GSN: variants seen among roughly 807,000 people sequenced by gnomAD.
GSN encodes the protein actin-depolymerizing factor.
Under a neutral mutation model 85.7 loss-of-function variants are expected in GSN, and 56 were observed. That is an observed-to-expected ratio of 0.65 (90% confidence interval 0.53 to 0.82). The LOEUF (loss-of-function observed/expected upper bound fraction) is 0.82. Among genes scored for constraint, GSN ranks in the 40% least tolerant of loss-of-function variants. GSN has a pLI of 0.00. For missense variants in GSN, 857 were observed against 979.8 expected (o/e 0.87, Z 1.67); for synonymous variants, 373 against 399.1 (o/e 0.93, Z 0.78).
chr9:121,213,417 G>C (rs974584534), intron 4 of GSN, among the ~76,000 whole-genome samples: 4 of 152,226 alleles, frequency 2.6e-5, no homozygotes, highest in Admixed American at 2.0e-4. Context: ...GCCCATGCCA[G>C]GCCCTCTTGA....
chr9:121,261,882 A>G lies in GSN; in HGVS notation c.-340-3272A>G, dbSNP rs538316963. 1.7e-4 allele frequency among the ~76,000 whole-genome samples: 26 copies of G among 152,336 alleles called. No individual in the cohort carries two copies. In the South Asian group the frequency reaches 5.4e-3, roughly 32 times the overall value. On this transcript the variant is annotated intron_variant, in intron 6 of 24. Coordinates refer to the GSN transcript ENST00000373823. This position sits in a 1 kb window ranked among gnomAD's most constrained non-coding sequence, Gnocchi z 4.1. ...GTGGATATTATCATCAGAGGAAGAA[A>G]CCAAGGCTCAGAGAGGTTGAGTAAC...
upstream of GSN, among the ~76,000 whole-genome samples, chr9:121,263,990 G>T (rs2055144572): frequency 6.6e-6 from 1 of 151,670 alleles, no homozygotes; most frequent in African/African-American, 2.4e-5. Flanking sequence ...CCTTCCACCA[G>T]ATTCCTTCCT....
intron 6 of GSN, among the ~76,000 whole-genome samples, chr9:121,258,166 A>C (rs1180729844): frequency 6.6e-6 from 1 of 152,214 alleles, no homozygotes; most frequent in African/African-American, 2.4e-5. Flanking sequence ...ATTTCAGGGA[A>C]CTTGGGGAAA....
intron 6 of GSN, among the ~76,000 whole-genome samples, chr9:121,260,750 C>T (rs2055065948): frequency 6.6e-6 from 1 of 152,162 alleles, no homozygotes; most frequent in Non-Finnish European, 1.5e-5. Context: ...GTTCTACTTC[C>T]CTGGGCAAAG....
At chr9:121,237,311 C>A (rs912463272) in intron 5 of GSN, among the ~76,000 whole-genome samples, 8 of 152,268 alleles carry the variant, frequency 5.3e-5, no homozygotes, top group African/African-American at 1.9e-4. Context: ...CCTGTAATCA[C>A]AACACTTTGG....
At chr9:121,320,629 G>A (rs1158977752) in intron 10 of GSN, among the ~76,000 whole-genome samples, 3 of 146,858 alleles carry the variant, frequency 2.0e-5, no homozygotes, top group Admixed American at 2.0e-4. Context: ...TGGGCAACAA[G>A]AGTGAAACCT....
At chr9:121,295,387 T>C (rs1306414745) in intron 2 of GSN, among the ~76,000 whole-genome samples, 4 of 152,122 alleles carry the variant, frequency 2.6e-5, no homozygotes, top group Non-Finnish European at 5.9e-5. Context: ...CGGGTGCTCC[T>C]AGGAGGACCC....
At position 121,329,197 on chromosome 9, in the gene GSN, G is replaced by A. The variant is rs1317230975; in HGVS notation, c.1888-41G>A. The A allele has an allele frequency of 1.3e-6, 2 of 1,516,070 alleles. No individual in the cohort carries two copies. Among genetic ancestry groups the A allele is most frequent in the Non-Finnish European group, 1.8e-6 (2 of 1,091,028 alleles). The allele number at this position is 1,516,070 out of a possible 1,614,324, so 93.9% of individuals were successfully genotyped here. On this transcript the variant is annotated intron_variant, in intron 15 of 17. Transcript: ENST00000432226. The surrounding 1 kb of genome is among the most constrained non-coding windows in gnomAD (Gnocchi z 4.6). ...GCAGATAAAGGAAGGCCACCCAGGG[G>A]AGGGAAGACATCTCACTGATGCTCT... is the stretch of plus-strand genomic sequence containing the variant.
chr9:121,305,154 C>T (rs1323128723), intron 4 of GSN, among the ~76,000 whole-genome samples: 6 of 152,144 alleles, frequency 3.9e-5, no homozygotes, highest in Non-Finnish European at 7.3e-5. Context: ...CATAGGCTCC[C>T]GGATTTTTAG....
intron 2 of GSN, chr9:121,282,638 C>T (rs371261143): frequency 6.7e-6 from 4 of 599,692 alleles, no homozygotes; most frequent in Non-Finnish European, 1.0e-5. Flanking sequence ...AAAGCTGACT[C>T]ACCCCATCAG....
chr9:121,216,961 G>T (rs2054075174), intron 4 of GSN, among the ~76,000 whole-genome samples: 1 of 152,176 alleles, frequency 6.6e-6, no homozygotes, highest in Non-Finnish European at 1.5e-5. Context: ...CCCTCTGTTT[G>T]TGTCTGCATC....
At chr9:121,314,304 C>T (rs562964945) in intron 7 of GSN, among the ~76,000 whole-genome samples, 2 of 152,292 alleles carry the variant, frequency 1.3e-5, no homozygotes, top group Admixed American at 6.5e-5. Flanking sequence ...GCAGAATGGT[C>T]GACTTTGTAG....
chr9:121,250,570 C>T lies in GSN; in HGVS notation c.-341+2247C>T, dbSNP rs192145749. Among the ~76,000 whole-genome samples, 548 of 150,458 alleles carry T rather than the reference C, an allele frequency of 3.6e-3. 6 individuals are homozygous for T. Among genetic ancestry groups the T allele is most frequent in the African/African-American group, 0.013 (523 of 40,816 alleles). On this transcript the variant is annotated intron_variant, in intron 6 of 24. Coordinates refer to the GSN transcript ENST00000373823. ...GTGTGTGCTTTGAGATAGGGTCTGG[C>T]TCTGTCACTCAGGCTGTAGTGCAGC...
intron 6 of GSN, among the ~76,000 whole-genome samples, chr9:121,252,121 G>A (rs571980799): frequency 1.3e-5 from 2 of 152,304 alleles, no homozygotes; most frequent in African/African-American, 4.8e-5. Context: ...AAGTGTTGAT[G>A]GGGGTATATA....
chr9:121,249,328 T>A (rs996262051), intron 6 of GSN, among the ~76,000 whole-genome samples: 1 of 151,996 alleles, frequency 6.6e-6, no homozygotes, highest in Non-Finnish European at 1.5e-5. Context: ...ATACAAAAAT[T>A]TAGCCAGGCA....
At chr9:121,219,588 C>T (rs939990942) in intron 4 of GSN, among the ~76,000 whole-genome samples, 2 of 152,242 alleles carry the variant, frequency 1.3e-5, no homozygotes, top group South Asian at 4.2e-4. Flanking sequence ...CTGGCTAAGA[C>T]CAACTAGACC....
chr9:121,292,589 G>A (rs568018390), intron 2 of GSN, among the ~76,000 whole-genome samples: 1 of 152,280 alleles, frequency 6.6e-6, no homozygotes, highest in South Asian at 2.1e-4. Context: ...CCACCAGGTT[G>A]GCATCTTCAC....
chr9:121,330,215 G>C (rs2063737347), intron 16 of GSN, among the ~76,000 whole-genome samples: 2 of 152,174 alleles, frequency 1.3e-5, no homozygotes, highest in African/African-American at 4.8e-5. Context: ...AGAATCCTAT[G>C]ATGAGCAAAA....
chr9:121,323,907 G>A (rs2133820038), intron 11 of GSN, among the ~76,000 whole-genome samples: 1 of 152,186 alleles, frequency 6.6e-6, no homozygotes, highest in Middle Eastern at 3.4e-3. Flanking sequence ...CATTCACCTG[G>A]TACAAAATGT....
Sources: allele counts gnomAD v4.1 joint callset (sites outside exome capture counted in the v4.1 genomes callset), GRCh38; gene constraint gnomAD v4.1.1; non-coding constraint Gnocchi (gnomAD v3.1); transcripts MANE v1.5; gene names NCBI Gene and HGNC (gene_info 2026-07-23, HGNC 2026-07-21).